Variants in PCNX1 observed in about 807,000 individuals in gnomAD.
PCNX1 encodes pecanex-like protein 1.
A neutral mutation model predicts 242.2 loss-of-function variants in PCNX1; 78 were observed. The ratio of observed to expected loss-of-function variants is 0.32; its 90% CI spans 0.27 to 0.39. PCNX1 has a LOEUF of 0.39. PCNX1 is among the 10% of genes least tolerant of loss of function. The probability of loss-of-function intolerance (pLI) is 1.00; values close to 1 mark genes in which losing one functional copy is unlikely to be tolerated. For synonymous variants in PCNX1, 1,024 were observed against 1,032.9 expected (o/e 0.99, Z 0.17); for missense variants, 2,581 against 2,856.5 (o/e 0.90, Z 2.20).
At chr14:71,060,629 A>G (rs1284693420) in intron 26 of PCNX1, 11 of 152,202 alleles carry the variant, frequency 7.2e-5, no homozygotes, top group Admixed American at 3.3e-4. Context: ...CAAATCAGCA[A>G]TGGTTGTTGT....
chr14:70,977,018 T>G lies in PCNX1; in HGVS notation c.681T>G (p.Ser227=), dbSNP rs1376126746. 30 of 1,614,178 alleles carry G rather than the reference T, an allele frequency of 1.9e-5. No homozygotes were observed. The highest frequency in any genetic ancestry group is 2.5e-5 in the Non-Finnish European group (29 of 1,179,998). Residue 227 remains serine, a synonymous_variant, in exon 6 of 36, where the codon TCT becomes TCG. Transcript: ENST00000304743. The stretch of plus-strand genomic sequence containing the variant: ...TCTCTATTCAGCCTTCCTTATCCTC[T>G]TGTGGACAGGACTTGCCAAGGGACT... The part of the protein sequence containing the change: ...SFISIQPSLS[S]CGQDLPRDFS...
Position 71,033,979 on chromosome 14 carries a change from A to T in PCNX1, c.3717A>T (p.Pro1239=), listed in dbSNP as rs769442967. The part of the protein sequence containing the change: ...KIFPKTEEKN[P]EDPLSEVKDP... ...TTCCAAAAACGGAAGAGAAAAATCC[A>T]GAAGACCCTCTATCTGAAGTAAAAG... Residue 1239 remains proline, a synonymous_variant, in exon 18 of 36, where the codon CCA becomes CCT. Coordinates refer to ENST00000304743, the MANE Select transcript of PCNX1 (RefSeq NM_014982.3). 6.2e-7 allele frequency: 1 copy of T among 1,609,542 alleles called. No homozygotes were observed. Among genetic ancestry groups the T allele is most frequent in the Admixed American group, 1.7e-5 (1 of 59,322 alleles).
chr14:70,994,100 T>C (rs988643653), intron 7 of PCNX1, among the ~76,000 whole-genome samples: 2 of 152,088 alleles, frequency 1.3e-5, no homozygotes, highest in African/African-American at 2.4e-5. Context: ...TCCTATCCTC[T>C]GCCTGGAATG....
chr14:71,099,307 C>T (rs1208212890), intron 30 of PCNX1, among the ~76,000 whole-genome samples: 1 of 151,868 alleles, frequency 6.6e-6, no homozygotes, highest in Non-Finnish European at 1.5e-5. Flanking sequence ...TGCAGGCGCC[C>T]GCCACCACGT....
intron 1 of PCNX1, among the ~76,000 whole-genome samples, chr14:70,938,865 T>C (rs2057117813): frequency 6.6e-6 from 1 of 152,204 alleles, no homozygotes; most frequent in South Asian, 2.1e-4. Context: ...TGGGAGGGTG[T>C]ATGTGTCCAG....
intron 6 of PCNX1, among the ~76,000 whole-genome samples, chr14:70,983,465 C>T (rs1462608719): frequency 2.6e-5 from 4 of 152,044 alleles, no homozygotes; most frequent in Non-Finnish European, 5.9e-5. Flanking sequence ...CCACGACACC[C>T]GGTTAATTTT....
intron 1 of PCNX1, among the ~76,000 whole-genome samples, chr14:70,924,922 T>C (rs1193429493): frequency 6.6e-6 from 1 of 152,102 alleles, no homozygotes; most frequent in Non-Finnish European, 1.5e-5. Context: ...ATTGTTCTGT[T>C]GATTTTAAAG....
chr14:70,978,360 A>G lies in PCNX1; in HGVS notation c.2023A>G (p.Thr675Ala). The G allele has an allele frequency of 1.2e-6, 2 of 1,614,210 alleles. No individual in the cohort carries two copies. Among genetic ancestry groups the G allele is most frequent in the Non-Finnish European group, 1.7e-6 (2 of 1,180,034 alleles). Reference protein sequence around the residue: ...VPEGTSKKRATRRTSSTNSAK... With the variant: ...VPEGTSKKRAARRTSSTNSAK... ...TGAAGGAACCAGCAAAAAGCGTGCA[A>G]CACGACGGACTTCTAGCACAAATAG... The change falls in exon 6 of 36, where the codon ACA (threonine) becomes GCA (alanine). Residue 675 changes from threonine to alanine, a missense_variant. Thr to Ala is a moderately conservative substitution (Grantham distance 58). This residue lies in a region of PCNX1 where 1,204 missense variants were observed against 1,216.7 expected (regional missense o/e 0.99). Coordinates refer to ENST00000304743, the MANE Select transcript of PCNX1 (RefSeq NM_014982.3).
rs764074300 is a variant in PCNX1, at chr14:71,108,870, C to T, written c.6568C>T (p.Leu2190=). 6.2e-7 allele frequency: 1 copy of T among 1,614,250 alleles called. No individual in the cohort carries two copies. The highest frequency in any genetic ancestry group is 8.5e-7 in the Non-Finnish European group (1 of 1,180,048). ...CGGCCTGGCCTGTGTGCAGCACGGC[C>T]TGCCTTCCTCCAGCAGCTCCAGCCA... ...QSGLACVQHG[L]PSSSSSSQSI... is the part of the protein sequence containing the mutation. Residue 2190 remains leucine (L), a synonymous_variant, in exon 34 of 36, where the codon CTG becomes TTG. Coordinates refer to ENST00000304743, the MANE Select transcript of PCNX1 (RefSeq NM_014982.3).
intron 26 of PCNX1, among the ~76,000 whole-genome samples, chr14:71,072,944 T>A (rs991593810): frequency 1.3e-5 from 2 of 152,216 alleles, no homozygotes; most frequent in African/African-American, 4.8e-5. Context: ...CAAACACAAT[T>A]GTAAACCCAT....
intron 27 of PCNX1, among the ~76,000 whole-genome samples, chr14:71,074,767 C>T (rs994363172): frequency 5.3e-5 from 8 of 152,114 alleles, no homozygotes; most frequent in African/African-American, 1.9e-4. Flanking sequence ...CAAGGCTTAG[C>T]GGTTACCCCC....
chr14:70,908,121 G>A, intron 1 of PCNX1, 118 bp downstream of exon 1: 3 of 927,560 alleles, frequency 3.2e-6, no homozygotes, highest in Non-Finnish European at 4.6e-6. Context: ...CCACCCTCTC[G>A]GTGTGAGGCT....
At chr14:71,000,526 ATTTT>A (rs3083305) in intron 8 of PCNX1, among the ~76,000 whole-genome samples, 4 of 126,706 alleles carry the variant, frequency 3.2e-5, no homozygotes, top group Admixed American at 8.2e-5. Flanking sequence ...CTGTCCCTTG[ATTTT>A]TTTTTTTTTT....
At chr14:70,984,978 GA>G (rs1389755914) in intron 6 of PCNX1, among the ~76,000 whole-genome samples, 1 of 151,838 alleles carries the variant, frequency 6.6e-6, no homozygotes, top group Non-Finnish European at 1.5e-5. Flanking sequence ...AGATAAATGT[GA>G]AGTAACTCCT....
At chr14:71,095,690 T>C (rs2062256494) in intron 30 of PCNX1, among the ~76,000 whole-genome samples, 1 of 152,242 alleles carries the variant, frequency 6.6e-6, no homozygotes, top group Non-Finnish European at 1.5e-5. Flanking sequence ...CTATTTTTTT[T>C]CATTTAATAT....
rs1327618751 is a variant in PCNX1, at chr14:70,907,987, C to A, written c.137C>A (p.Pro46His). The A allele has an allele frequency of 6.3e-7, 1 of 1,595,734 alleles. No homozygotes were observed. Residue 46 changes from proline (P) to histidine (H), a missense_variant, in exon 1 of 36, where the codon CCC (proline) becomes CAC (histidine). By Grantham distance (77) the Pro-to-His change is moderately conservative (BLOSUM62 -2). Coordinates refer to ENST00000304743, the MANE Select transcript of PCNX1 (RefSeq NM_014982.3). ...LYLWLFLLGL[P>H]FTLYMALPST... ...CTGTGGCTCTTTCTGCTGGGCCTGC[C>A]CTTCACCCTCTACATGGTGAGTGTG...
Position 71,114,247 on chromosome 14 carries a change from A to G in PCNX1, c.*4312A>G, listed in dbSNP as rs1261008029. 1 of 152,226 alleles carries G rather than the reference A, an allele frequency of 6.6e-6. No homozygotes were observed. The highest frequency in any genetic ancestry group is 6.5e-5 in the Admixed American group (1 of 15,286). The allele number at this position is 152,226 out of a possible 1,614,324, so 9.4% of individuals were successfully genotyped here. A position where few individuals can be genotyped will look rare whatever the true frequency, so the allele number is the denominator to read the frequency against. On this transcript the variant is annotated 3_prime_UTR_variant, in exon 36 of 36. Transcript: ENST00000304743. ...TTTAAAAATAAGTATTAAAAAGCCA[A>G]TCGTTTTCTCCATTTATCTATCTTT...
intron 6 of PCNX1, among the ~76,000 whole-genome samples, chr14:70,981,717 A>G (rs937471894): frequency 2.0e-5 from 3 of 152,188 alleles, no homozygotes; most frequent in African/African-American, 7.2e-5. Context: ...AGAAATGAAA[A>G]CTACATAGAA....
chr14:71,015,335 T>C (rs952390288), intron 11 of PCNX1, among the ~76,000 whole-genome samples: 1 of 152,214 alleles, frequency 6.6e-6, no homozygotes, highest in Non-Finnish European at 1.5e-5. Context: ...TAAATCTCTT[T>C]AAGAGGTAAC....
Sources: gnomAD v4.1 joint callset for allele counts (sites outside exome capture counted in the v4.1 genomes callset) on GRCh38, gnomAD v4.1.1 for gene constraint, gnomAD v4.1.1 regional missense constraint, MANE v1.5 for transcripts, NCBI Gene and HGNC (gene_info 2026-07-23, HGNC 2026-07-21) for gene names.